MBNL2: variants seen among roughly 807,000 people sequenced by gnomAD.
The protein encoded by MBNL2 is muscleblind like splicing regulator 2.
In MBNL2, 17 loss-of-function variants were observed where a neutral mutation model predicts 41.9. That is an observed-to-expected ratio of 0.41 (90% confidence interval 0.28 to 0.61). The LOEUF (loss-of-function observed/expected upper bound fraction) is 0.61, where lower values mean the gene tolerates loss of function less well. Ranked by LOEUF, MBNL2 falls within the 20% of genes least tolerant of loss-of-function variation. The probability of loss-of-function intolerance (pLI) is 0.35; values close to 1 mark genes in which losing one functional copy is unlikely to be tolerated. For synonymous variants in MBNL2, 195 were observed against 182.9 expected (o/e 1.07, Z -0.53); for missense variants, 336 against 505.6 (o/e 0.66, Z 3.22).
At chr13:97,257,077 A>G (rs536532705) in intron 1 of MBNL2, among the ~76,000 whole-genome samples, 14 of 152,224 alleles carry the variant, frequency 9.2e-5, no homozygotes, top group Admixed American at 3.3e-4. Context: ...CCTTTTGGTG[A>G]TTGGAATATG....
At chr13:97,152,687 T>A in the MBNL2 span, among the ~76,000 whole-genome samples, 1 of 152,192 alleles carries the variant, frequency 6.6e-6, no homozygotes, top group African/African-American at 2.4e-5. Context: ...AGCCATATCA[T>A]CAATTAATTG....
chr13:97,384,136 A>C (rs1018657408), intron 8 of MBNL2, among the ~76,000 whole-genome samples: 1 of 152,026 alleles, frequency 6.6e-6, no homozygotes, highest in Non-Finnish European at 1.5e-5. Flanking sequence ...CCTGACCTCA[A>C]GTGATCTGTC....
chr13:97,224,628 C>CAAAAAAAAA (rs538498133), intron 1 of MBNL2, among the ~76,000 whole-genome samples: 1 of 107,450 alleles, frequency 9.3e-6, no homozygotes, highest in African/African-American at 3.5e-5. Flanking sequence ...GACCTTTTAC[C>CAAAAAAAAA]AAAAAAAAAA....
chr13:97,313,163 C>A (rs2058751944), intron 2 of MBNL2, among the ~76,000 whole-genome samples: 4 of 152,174 alleles, frequency 2.6e-5, no homozygotes. Context: ...AGTGGAGGCT[C>A]CTAGTGGTGC....
chr13:97,348,809 T>G (rs2062142378), intron 5 of MBNL2, among the ~76,000 whole-genome samples: 1 of 152,208 alleles, frequency 6.6e-6, no homozygotes, highest in Non-Finnish European at 1.5e-5. Flanking sequence ...ATACACTGAT[T>G]ACTGATTAAA....
chr13:97,287,846 G>C lies in MBNL2; in HGVS notation c.174+11437G>C, dbSNP rs1594155814. Among the ~76,000 whole-genome samples, 3 of 149,006 alleles carry C rather than the reference G, an allele frequency of 2.0e-5. No homozygotes were observed. In the East Asian group the frequency reaches 5.9e-4, roughly 29 times the overall value. Reference sequence around the variant, plus strand: ...GTTCAAGTGATTCTCCTGCGTTCAAGCGATTCTCCTGCCTCAGCCTCCTGA... The same window carrying C: ...GTTCAAGTGATTCTCCTGCGTTCAACCGATTCTCCTGCCTCAGCCTCCTGA... On this transcript the variant is annotated intron_variant, in intron 2 of 8. Coordinates refer to ENST00000679496, the MANE Select transcript of MBNL2 (RefSeq NM_001382683.1).
intron 2 of MBNL2, among the ~76,000 whole-genome samples, chr13:97,324,823 T>C (rs1342870711): frequency 6.6e-6 from 1 of 152,158 alleles, no homozygotes; most frequent in South Asian, 2.1e-4. Flanking sequence ...TGGAGTCCGA[T>C]GTTCGAGGGA....
chr13:97,331,790 G>A (rs1455326711), intron 2 of MBNL2, among the ~76,000 whole-genome samples: 1 of 152,206 alleles, frequency 6.6e-6, no homozygotes, highest in Non-Finnish European at 1.5e-5. Context: ...TGTAAGTAAG[G>A]ACACTAGGAA....
chr13:97,306,989 C>T (rs2058183803), intron 2 of MBNL2, among the ~76,000 whole-genome samples: 2 of 152,190 alleles, frequency 1.3e-5, no homozygotes. Context: ...CCTGCATGCC[C>T]AGCCCTGTAG....
At chr13:97,307,827 G>A (rs538508353) in intron 2 of MBNL2, among the ~76,000 whole-genome samples, 1 of 152,294 alleles carries the variant, frequency 6.6e-6, no homozygotes, top group South Asian at 2.1e-4. Context: ...CCACCCAAGT[G>A]CCAAGATAGT....
At chr13:97,227,187 C>T (rs2041770989) in intron 1 of MBNL2, among the ~76,000 whole-genome samples, 1 of 152,092 alleles carries the variant, frequency 6.6e-6, no homozygotes, top group Non-Finnish European at 1.5e-5. Context: ...TTCAGGGACG[C>T]AGCCTGGGGG....
At chr13:97,218,436 A>AAAACAAAACAAAAC (rs1555302244), upstream of MBNL2, among the ~76,000 whole-genome samples, 1 of 108,196 alleles carries the variant, frequency 9.2e-6, no homozygotes, top group African/African-American at 4.7e-5. Context: ...AAAACAAAAC[A>AAAACAAAACAAAAC]AAACAAAAAA....
chr13:97,385,278 C>T (rs769464201), intron 8 of MBNL2, among the ~76,000 whole-genome samples: 4 of 152,164 alleles, frequency 2.6e-5, no homozygotes, highest in Non-Finnish European at 5.9e-5. Context: ...GTTAGTGCAC[C>T]AGCCCTGCTT....
At chr13:97,142,048 A>G in the MBNL2 span, among the ~76,000 whole-genome samples, 2 of 152,310 alleles carry the variant, frequency 1.3e-5, no homozygotes, top group African/African-American at 4.8e-5. Context: ...ACAAAAAAGA[A>G]AAAAAATTGA....
the MBNL2 span, among the ~76,000 whole-genome samples, chr13:97,176,470 G>A: frequency 4.6e-5 from 7 of 152,086 alleles, no homozygotes; most frequent in African/African-American, 1.7e-4. Flanking sequence ...AGATGGTAGA[G>A]GGAGGCATAA....
chr13:97,373,847 G>T (rs1271229509), intron 8 of MBNL2, among the ~76,000 whole-genome samples: 1 of 152,010 alleles, frequency 6.6e-6, no homozygotes, highest in African/African-American at 2.4e-5. Context: ...GCTCAGTTAT[G>T]TAAGTGTTGT....
chr13:97,152,542 T>C, the MBNL2 span, among the ~76,000 whole-genome samples: 1 of 152,108 alleles, frequency 6.6e-6, no homozygotes, highest in Non-Finnish European at 1.5e-5. Flanking sequence ...TATAAAGCTT[T>C]CAGAAAGTAA....
intron 2 of MBNL2, among the ~76,000 whole-genome samples, chr13:97,278,916 C>A (rs971049762): frequency 5.9e-5 from 9 of 152,132 alleles, no homozygotes; most frequent in African/African-American, 1.7e-4. Context: ...CACTTCCCAG[C>A]CTTGGGTGTG....
chr13:97,367,857 G>A (rs142380252), intron 8 of MBNL2, among the ~76,000 whole-genome samples: 7 of 152,226 alleles, frequency 4.6e-5, no homozygotes, highest in African/African-American at 1.2e-4. Flanking sequence ...ACCCAGCTTC[G>A]AAACAAACAG....
Sources: allele counts gnomAD v4.1 joint callset (sites outside exome capture counted in the v4.1 genomes callset), GRCh38; gene constraint gnomAD v4.1.1; transcripts MANE v1.5; gene names NCBI Gene and HGNC (gene_info 2026-07-23, HGNC 2026-07-21).